Variants in RANBP2 observed in about 807,000 individuals in gnomAD.
The protein encoded by RANBP2 is E3 SUMO-protein ligase RanBP2.
RANBP2 carries 57 observed loss-of-function variants against 303.6 expected under a neutral mutation model. The ratio of observed to expected loss-of-function variants is 0.19; its 90% CI spans 0.15 to 0.23. The LOEUF (loss-of-function observed/expected upper bound fraction) is 0.23, where lower values mean the gene tolerates loss of function less well. RANBP2 is among the 10% of genes least tolerant of loss of function. The pLI, the probability that RANBP2 is intolerant of heterozygous loss-of-function variation, is 1.00. For missense variants in RANBP2, 3,138 were observed against 3,780.8 expected, an observed-to-expected ratio of 0.83 and a Z score of 4.46; for synonymous variants, 1,167 against 1,301.5, an observed-to-expected ratio of 0.90 and a Z score of 2.23.
chr2:109,579,555 T>C, the RANBP2 span, among the ~76,000 whole-genome samples: 1 of 151,900 alleles, frequency 6.6e-6, no homozygotes, highest in African/African-American at 2.4e-5. Context: ...GGCTAATTTT[T>C]GTATTTTGGT....
At chr2:109,073,595 G>A in the RANBP2 span, among the ~76,000 whole-genome samples, 2 of 150,218 alleles carry the variant, frequency 1.3e-5, no homozygotes, top group East Asian at 1.9e-4. Flanking sequence ...CTTGAACCTG[G>A]GAGGCTGAGG....
the RANBP2 span, among the ~76,000 whole-genome samples, chr2:109,160,551 A>T: frequency 2.0e-5 from 3 of 152,188 alleles, no homozygotes; most frequent in African/African-American, 7.2e-5. Context: ...TCTCTGGCTT[A>T]ATCTCATCTG....
chr2:109,427,538 T>A, the RANBP2 span, among the ~76,000 whole-genome samples: 11 of 152,102 alleles, frequency 7.2e-5, no homozygotes, highest in Non-Finnish European at 1.5e-5. Context: ...CCCCAGAATC[T>A]CTAACAAGTT....
the RANBP2 span, among the ~76,000 whole-genome samples, chr2:109,726,095 G>A: frequency 1.3e-5 from 2 of 149,212 alleles, no homozygotes; most frequent in African/African-American, 4.9e-5. Context: ...GTGTGTGTGT[G>A]TGTTTGTGTT....
the RANBP2 span, among the ~76,000 whole-genome samples, chr2:109,249,461 CTCTT>C: frequency 9.6e-4 from 132 of 137,638 alleles, no homozygotes; most frequent in African/African-American, 2.8e-3. Context: ...CTCTCTTTCT[CTCTT>C]TCTCTTTCTT....
At chr2:108,897,757 G>A in the RANBP2 span, among the ~76,000 whole-genome samples, 1 of 152,150 alleles carries the variant, frequency 6.6e-6, no homozygotes, top group Non-Finnish European at 1.5e-5. Context: ...ACTCACCTAG[G>A]AGCATTTAAA....
At chr2:109,078,221 ATAGC>A in the RANBP2 span, among the ~76,000 whole-genome samples, 1 of 83,350 alleles carries the variant, frequency 1.2e-5, no homozygotes, top group Non-Finnish European at 2.6e-5. Context: ...GTATATATAT[ATAGC>A]GTGTATATAT....
chr2:108,973,654 G>T, the RANBP2 span, among the ~76,000 whole-genome samples: 436 of 152,280 alleles, frequency 2.9e-3, 1 homozygote, highest in Admixed American at 5.8e-3. Flanking sequence ...CTTTCCAGGG[G>T]TCGTGTGTCC....
the RANBP2 span, among the ~76,000 whole-genome samples, chr2:109,586,415 G>A: frequency 1.3e-5 from 2 of 150,556 alleles, no homozygotes; most frequent in East Asian, 2.1e-4. Context: ...CTTTTTCCCT[G>A]AAGGCACTCC....
At chr2:109,656,361 A>T in the RANBP2 span, among the ~76,000 whole-genome samples, 1 of 152,126 alleles carries the variant, frequency 6.6e-6, no homozygotes, top group Admixed American at 6.5e-5. Flanking sequence ...TGTTTGAGAC[A>T]AGGTCTTGCT....
chr2:109,450,188 A>G, the RANBP2 span, among the ~76,000 whole-genome samples: 4 of 152,278 alleles, frequency 2.6e-5, no homozygotes, highest in South Asian at 8.3e-4. Context: ...TCTACTAAAA[A>G]TACAAAAATT....
chr2:108,881,715 G>A, the RANBP2 span, among the ~76,000 whole-genome samples: 1 of 152,200 alleles, frequency 6.6e-6, no homozygotes, highest in African/African-American at 2.4e-5. Flanking sequence ...AGGAAATGAA[G>A]AGAGATCCAA....
At chr2:109,773,128 G>GGT in the RANBP2 span, among the ~76,000 whole-genome samples, 2 of 152,224 alleles carry the variant, frequency 1.3e-5, no homozygotes, top group Non-Finnish European at 2.9e-5. Flanking sequence ...TCAGCATACA[G>GGT]GTGCTGGTGA....
chr2:109,352,287 G>T, the RANBP2 span, among the ~76,000 whole-genome samples: 1 of 152,136 alleles, frequency 6.6e-6, no homozygotes, highest in African/African-American at 2.4e-5. Flanking sequence ...CAGAATACTC[G>T]CAGGAAAGTA....
chr2:108,756,761 T>C (rs925709661), intron 17 of RANBP2, among the ~76,000 whole-genome samples: 11 of 152,234 alleles, frequency 7.2e-5, no homozygotes, highest in Admixed American at 3.9e-4. Flanking sequence ...CCATTGTGAC[T>C]GTTTGGCTTC....
intron 6 of RANBP2, among the ~76,000 whole-genome samples, chr2:108,738,786 G>A (rs1695833951): frequency 6.6e-6 from 1 of 151,102 alleles, no homozygotes; most frequent in Non-Finnish European, 1.5e-5. Context: ...CTACCACCAC[G>A]CCTGGCTAAT....
At chr2:109,358,677 A>T in the RANBP2 span, among the ~76,000 whole-genome samples, 3 of 152,224 alleles carry the variant, frequency 2.0e-5, no homozygotes, top group East Asian at 5.8e-4. Flanking sequence ...TGTATTTTGC[A>T]TAATAATCCT....
At chr2:109,363,070 G>A in the RANBP2 span, among the ~76,000 whole-genome samples, 1 of 152,058 alleles carries the variant, frequency 6.6e-6, no homozygotes, top group East Asian at 1.9e-4. Context: ...GTGTGATAGA[G>A]TCAGGTTAAA....
chr2:109,114,279 G>A, the RANBP2 span, among the ~76,000 whole-genome samples: 1 of 152,106 alleles, frequency 6.6e-6, no homozygotes, highest in African/African-American at 2.4e-5. Context: ...TTTTTGGTTG[G>A]TAAGCTATTG....
Sources: gnomAD v4.1 joint callset for allele counts (sites outside exome capture counted in the v4.1 genomes callset) on GRCh38, gnomAD v4.1.1 for gene constraint, MANE v1.5 for transcripts, NCBI Gene and HGNC (gene_info 2026-07-23, HGNC 2026-07-21) for gene names.